Variants in PCDHGA7 observed in about 807,000 individuals in gnomAD.
The protein encoded by PCDHGA7 is protocadherin gamma subfamily A, 7.
A neutral mutation model predicts 58.3 loss-of-function variants in PCDHGA7; 44 were observed. The ratio of observed to expected loss-of-function variants is 0.75; its 90% CI spans 0.59 to 0.97. The LOEUF is 0.97. Among genes scored for constraint, PCDHGA7 ranks in the 50% least tolerant of loss-of-function variants. The pLI is 0.00. For synonymous variants in PCDHGA7, 516 were observed against 504.2 expected (o/e 1.02, Z -0.31); for missense variants, 1,266 against 1,188.7 (o/e 1.06, Z -0.96).
Position 141,394,457 on chromosome 5 carries a change from G to A in PCDHGA7, c.2424+9134G>A, listed in dbSNP as rs375756271. 4 of 1,614,096 alleles carry A rather than the reference G, an allele frequency of 2.5e-6. No homozygotes were observed. The African/African-American group carries it at 4.0e-5, about 16-fold the overall frequency. On this transcript the variant is annotated intron_variant, in intron 1 of 3. Transcript: ENST00000518325. Reference sequence around the variant, plus strand: ...CGCCCCTCAGCAGCAACATGTCACTGAGCCTGTTCGTGCTGGACCAGAATG... The same window carrying A: ...CGCCCCTCAGCAGCAACATGTCACTAAGCCTGTTCGTGCTGGACCAGAATG...
intron 1 of PCDHGA7, chr5:141,409,236 C>T (rs1305954301): frequency 1.2e-6 from 2 of 1,613,866 alleles, no homozygotes; most frequent in Non-Finnish European, 8.5e-7. Flanking sequence ...GACAACAGCC[C>T]AGAAATAATC....
Position 141,417,842 on chromosome 5 carries a change from C to A in PCDHGA7, c.2424+32519C>A, listed in dbSNP as rs1247720013. 3 of 1,537,164 alleles carry A rather than the reference C, an allele frequency of 2.0e-6. No homozygotes were observed. The South Asian group carries it at 3.6e-5, about 19-fold the overall frequency. Reference sequence around the variant, plus strand: ...TCCAACTGGAAAAGCGGGGACCCAGCGAGAACCCGAGCGAACGATGGGAGG... The same window carrying A: ...TCCAACTGGAAAAGCGGGGACCCAGAGAGAACCCGAGCGAACGATGGGAGG... On this transcript the variant is annotated intron_variant, in intron 1 of 3. Transcript: ENST00000518325.
chr5:141,503,401 C>A (rs987421198), intron 2 of PCDHGA7, among the ~76,000 whole-genome samples: 15 of 151,848 alleles, frequency 9.9e-5, no homozygotes, highest in Non-Finnish European at 1.9e-4. Context: ...TCGAAACCAA[C>A]CTGGCCAATA....
Position 141,476,819 on chromosome 5 carries a change from C to T in PCDHGA7, c.2425-17988C>T. ...CAGCCTGCCTATTCACATCAAGGTGCTGGACGCGAATGACAATGCGCCTGT... is the reference window on the plus strand; with the variant it reads ...CAGCCTGCCTATTCACATCAAGGTGTTGGACGCGAATGACAATGCGCCTGT... On this transcript the variant is annotated intron_variant, in intron 1 of 3. Coordinates refer to ENST00000518325, the MANE Select transcript of PCDHGA7 (RefSeq NM_018920.4). The surrounding 1 kb of genome is among the most constrained non-coding windows in gnomAD (Gnocchi z 7.6). 6.2e-7 allele frequency: 1 copy of T among 1,613,524 alleles called. No homozygotes were observed. The highest frequency in any genetic ancestry group is 8.5e-7 in the Non-Finnish European group (1 of 1,180,036).
intron 1 of PCDHGA7, chr5:141,441,743 C>G (rs1298220876): frequency 2.7e-6 from 1 of 367,284 alleles, no homozygotes; most frequent in Non-Finnish European, 5.4e-6. Flanking sequence ...AGCTCGCGCT[C>G]GGCGTCAACG....
intron 1 of PCDHGA7, chr5:141,428,863 T>C (rs1160939898): frequency 6.7e-6 from 1 of 149,182 alleles, no homozygotes; most frequent in African/African-American, 2.4e-5. Context: ...CGGGAGACTT[T>C]TTTTTTTTTT....
chr5:141,449,622 T>A (rs889336036), intron 1 of PCDHGA7, among the ~76,000 whole-genome samples: 1 of 150,910 alleles, frequency 6.6e-6, no homozygotes, highest in African/African-American at 2.4e-5. Context: ...AAAAGTTTTT[T>A]AAAAAGATGT....
chr5:141,407,659 T>C (rs1443799600), intron 1 of PCDHGA7, among the ~76,000 whole-genome samples: 1 of 152,136 alleles, frequency 6.6e-6, no homozygotes, highest in East Asian at 1.9e-4. Flanking sequence ...GGGAGCGCAG[T>C]ATATATTAAA....
chr5:141,475,167 G>T (rs529813171), intron 1 of PCDHGA7, among the ~76,000 whole-genome samples: 1 of 152,160 alleles, frequency 6.6e-6, no homozygotes, highest in Admixed American at 6.5e-5. Flanking sequence ...CATTAGCAGT[G>T]CAACTTCTTG....
chr5:141,393,007 G>A (rs1486010375), intron 1 of PCDHGA7: 3 of 1,613,850 alleles, frequency 1.9e-6, no homozygotes, highest in East Asian at 2.2e-5. Context: ...CACGGAGTCC[G>A]TATCGTCTCC....
Position 141,485,870 on chromosome 5 carries a change from C to T in PCDHGA7, c.2425-8937C>T. The stretch of plus-strand genomic sequence containing the variant: ...CACCGCAGAGCTCCGGGTATCCGTG[C>T]TGGACGTAAACGACAACGCCCCAGC... On this transcript the variant is annotated intron_variant, in intron 1 of 3. Coordinates refer to ENST00000518325, the MANE Select transcript of PCDHGA7 (RefSeq NM_018920.4). This position sits in a 1 kb window ranked among gnomAD's most constrained non-coding sequence, Gnocchi z 5.7. 6.2e-7 allele frequency: 1 copy of T among 1,614,174 alleles called. No homozygotes were observed. The highest frequency in any genetic ancestry group is 8.5e-7 in the Non-Finnish European group (1 of 1,180,032).
intron 1 of PCDHGA7, chr5:141,413,070 T>C: frequency 8.4e-7 from 1 of 1,195,132 alleles, no homozygotes; most frequent in African/African-American, 1.5e-5. Context: ...GAATTTAAAG[T>C]GCCCAGGCTA....
At chr5:141,478,496 C>G in intron 1 of PCDHGA7, 1 of 1,613,014 alleles carries the variant, frequency 6.2e-7, no homozygotes, top group Non-Finnish European at 8.5e-7. Flanking sequence ...GAGCTGTGAT[C>G]CGGTGTTCTA....
chr5:141,452,165 C>T (rs917431071), intron 1 of PCDHGA7, among the ~76,000 whole-genome samples: 2 of 152,120 alleles, frequency 1.3e-5, no homozygotes, highest in African/African-American at 4.8e-5. Flanking sequence ...TATTCTATTA[C>T]TAACATTTTT....
In PCDHGA7 at chr5:141,487,365, G is replaced by A. The variant is rs1466536791; in HGVS notation, c.2425-7442G>A. On this transcript the variant is annotated intron_variant, in intron 1 of 3. Coordinates refer to ENST00000518325, the MANE Select transcript of PCDHGA7 (RefSeq NM_018920.4). This position sits in a 1 kb window ranked among gnomAD's most constrained non-coding sequence, Gnocchi z 5.0. ...GTCACATGCTTTCCTGCTGGCACCT[G>A]TGCCTGTCTCACCAGATCTCGAAGG... The A allele has an allele frequency of 1.2e-6, 2 of 1,614,068 alleles. No homozygotes were observed. Among genetic ancestry groups the A allele is most frequent in the South Asian group, 1.1e-5 (1 of 91,088 alleles).
intron 1 of PCDHGA7, chr5:141,410,459 A>C (rs2095396770): frequency 6.2e-7 from 1 of 1,613,864 alleles, no homozygotes; most frequent in Admixed American, 1.7e-5. Context: ...TTATTCTTAT[A>C]ATCTGTGCAT....
chr5:141,509,046 C>T (rs1442220429), intron 3 of PCDHGA7, among the ~76,000 whole-genome samples: 1 of 152,160 alleles, frequency 6.6e-6, no homozygotes, highest in Non-Finnish European at 1.5e-5. Flanking sequence ...CTCTCCCCCG[C>T]CCCCAGAAAG....
chr5:141,476,613 G>T lies in PCDHGA7; in HGVS notation c.2425-18194G>T. On this transcript the variant is annotated intron_variant, in intron 1 of 3. Coordinates refer to ENST00000518325, the MANE Select transcript of PCDHGA7 (RefSeq NM_018920.4). The surrounding 1 kb of genome is among the most constrained non-coding windows in gnomAD (Gnocchi z 7.6). ...AGCGCGCACGATCCCGATGTGGGAA[G>T]CAACTCTTTACAAACCTATGAGCTG... 2 of 1,614,266 alleles carry T rather than the reference G, an allele frequency of 1.2e-6. No homozygotes were observed. The highest frequency in any genetic ancestry group is 2.7e-5 in the African/African-American group (2 of 75,078).
chr5:141,468,159 T>C (rs1408861467), intron 1 of PCDHGA7, among the ~76,000 whole-genome samples: 2 of 151,760 alleles, frequency 1.3e-5, no homozygotes, highest in Admixed American at 6.6e-5. Context: ...ACCCTGTCTC[T>C]GCTAAAAATA....
Sources: gnomAD v4.1 joint callset for allele counts (sites outside exome capture counted in the v4.1 genomes callset) on GRCh38, gnomAD v4.1.1 for gene constraint, Gnocchi (gnomAD v3.1) non-coding constraint, MANE v1.5 for transcripts, NCBI Gene and HGNC (gene_info 2026-07-23, HGNC 2026-07-21) for gene names.